GAB2: variants seen among roughly 807,000 people sequenced by gnomAD.
GAB2 encodes the protein GRB2 associated binding protein 2.
In GAB2, 26 loss-of-function variants were observed where a neutral mutation model predicts 65.5. The observed-to-expected ratio is 0.40, with a 90% CI of 0.29 to 0.55. The LOEUF (loss-of-function observed/expected upper bound fraction) is 0.55, where lower values mean the gene tolerates loss of function less well. Among genes scored for constraint, GAB2 ranks in the 20% least tolerant of loss-of-function variants. The probability of loss-of-function intolerance (pLI) is 0.53; values close to 1 mark genes in which losing one functional copy is unlikely to be tolerated. For synonymous variants in GAB2, 321 were observed against 329.6 expected, an observed-to-expected ratio of 0.97 and a Z score of 0.28; for missense variants, 884 against 875.8, an observed-to-expected ratio of 1.01 and a Z score of -0.12.
At position 78,381,430 on chromosome 11, in the gene GAB2, C is replaced by G. The variant is rs143336054; in HGVS notation, c.75+36216G>C. Among the ~76,000 whole-genome samples, 138 of 152,250 alleles carry G rather than the reference C, an allele frequency of 9.1e-4. 1 individual carries two copies. Among genetic ancestry groups the G allele is most frequent in the African/African-American group, 3.2e-3 (134 of 41,542 alleles). On this transcript the variant is annotated intron_variant, in intron 1 of 9. Transcript: ENST00000361507. Reference sequence around the variant, plus strand: ...AGTCTCAAAAAAGTAGTGAACTAGCCAAGGGCACACAGCTTATTTAACAGC... The same window carrying G: ...AGTCTCAAAAAAGTAGTGAACTAGCGAAGGGCACACAGCTTATTTAACAGC...
intron 1 of GAB2, among the ~76,000 whole-genome samples, chr11:78,410,568 A>G (rs1857114339): frequency 2.0e-5 from 3 of 152,206 alleles, no homozygotes; most frequent in Admixed American, 2.0e-4. Flanking sequence ...TAAAAAAATA[A>G]AGCAGTGGAC....
chr11:78,317,018 G>T (rs1591031870), intron 1 of GAB2, among the ~76,000 whole-genome samples: 2 of 152,200 alleles, frequency 1.3e-5, no homozygotes, highest in East Asian at 3.8e-4. Context: ...ATTAAGCTAA[G>T]TGAAATAAGC....
At chr11:78,376,101 G>A (rs1021192653) in intron 1 of GAB2, among the ~76,000 whole-genome samples, 1 of 152,180 alleles carries the variant, frequency 6.6e-6, no homozygotes, top group African/African-American at 2.4e-5. Flanking sequence ...ATATGTATAC[G>A]AACAGGACCA....
intron 1 of GAB2, among the ~76,000 whole-genome samples, chr11:78,388,553 C>T (rs561875019): frequency 3.3e-5 from 5 of 151,888 alleles, no homozygotes; most frequent in South Asian, 2.1e-4. Flanking sequence ...ATCTCGAACT[C>T]GTGGGCTCAA....
chr11:78,266,369 C>G (rs1865876270), intron 2 of GAB2, among the ~76,000 whole-genome samples: 1 of 152,142 alleles, frequency 6.6e-6, no homozygotes, highest in Admixed American at 6.6e-5. Flanking sequence ...TGTGCTCCAG[C>G]CTTCCAGCCT....
intron 2 of GAB2, among the ~76,000 whole-genome samples, chr11:78,275,945 C>A (rs1171876443): frequency 6.6e-6 from 1 of 151,778 alleles, no homozygotes; most frequent in Non-Finnish European, 1.5e-5. Context: ...GAAACCCTGT[C>A]TCTATTAAAA....
At chr11:78,355,304 T>C (rs947119952) in intron 1 of GAB2, among the ~76,000 whole-genome samples, 2 of 152,186 alleles carry the variant, frequency 1.3e-5, no homozygotes, top group African/African-American at 2.4e-5. Context: ...CAATTTGAGA[T>C]TGGCACGAAT....
At position 78,416,131 on chromosome 11, in the gene GAB2, A is replaced by AAG. The variant is rs199511944; in HGVS notation, c.75+1513_75+1514dup. Among the ~76,000 whole-genome samples the AAG allele has an allele frequency of 5.6e-3, 850 of 152,260 alleles. 9 individuals are homozygous for AAG. Among genetic ancestry groups the AAG allele is most frequent in the African/African-American group, 0.019 (789 of 41,534 alleles). On this transcript the variant is annotated intron_variant, in intron 1 of 9. Transcript: ENST00000361507. ...TTCCTAACGAACTGATACAACCCTG[A>AAG]AGAGGAAAAAAGTTTATTTCTTAAT...
chr11:78,244,168 G>T (rs1865224881), intron 3 of GAB2, among the ~76,000 whole-genome samples: 1 of 152,134 alleles, frequency 6.6e-6, no homozygotes, highest in East Asian at 1.9e-4. Flanking sequence ...AAGATGGGCA[G>T]ATTCCTTGAG....
At chr11:78,357,275 G>A (rs913227355) in intron 1 of GAB2, among the ~76,000 whole-genome samples, 26 of 152,176 alleles carry the variant, frequency 1.7e-4, no homozygotes, top group Non-Finnish European at 3.7e-4. Context: ...TGACAATTGT[G>A]ATGACTGTTT....
intron 3 of GAB2, among the ~76,000 whole-genome samples, chr11:78,236,521 A>G (rs1047380603): frequency 6.6e-6 from 1 of 152,218 alleles, no homozygotes; most frequent in African/African-American, 2.4e-5. Context: ...AAGTGGTAAG[A>G]ACAGGTACTT....
rs115457806 is a variant in GAB2, at chr11:78,248,324, G to T, written c.620+1833C>A. ...GATGCGTCAGCAGGATCACTGGAGT[G>T]GTGGTGGCGGCAATTGTTACTACTA... On this transcript the variant is annotated intron_variant, in intron 3 of 9. Transcript: ENST00000361507. 7.7e-3 allele frequency among the ~76,000 whole-genome samples: 1,177 copies of T among 152,244 alleles called. 14 individuals are homozygous for T. Among genetic ancestry groups the T allele is most frequent in the African/African-American group, 0.027 (1,116 of 41,548 alleles).
rs557974713 is a variant in GAB2, at chr11:78,413,007, T to A, written c.75+4639A>T. Among the ~76,000 whole-genome samples, 4 of 152,328 alleles carry A rather than the reference T, an allele frequency of 2.6e-5. No homozygotes were observed. In the South Asian group the frequency reaches 8.3e-4, roughly 32 times the overall value. ...GTGGGTGACGGGGAGTCAAAGATGA[T>A]GCCCAAGTTTCTCATCTGAGCAAGT... is the stretch of plus-strand genomic sequence containing the variant. On this transcript the variant is annotated intron_variant, in intron 1 of 9. Coordinates refer to ENST00000361507, the MANE Select transcript of GAB2 (RefSeq NM_080491.3).
At chr11:78,237,095 T>G (rs1432395913) in intron 3 of GAB2, among the ~76,000 whole-genome samples, 1 of 152,224 alleles carries the variant, frequency 6.6e-6, no homozygotes, top group Non-Finnish European at 1.5e-5. Flanking sequence ...TCCTATGTTT[T>G]CTGAAAGACT....
At chr11:78,242,156 A>C (rs1419373961) in intron 3 of GAB2, among the ~76,000 whole-genome samples, 1 of 152,246 alleles carries the variant, frequency 6.6e-6, no homozygotes, top group Non-Finnish European at 1.5e-5. Flanking sequence ...AAATACATGG[A>C]AAATTAAACA....
chr11:78,371,424 G>A (rs1055257820), intron 1 of GAB2, among the ~76,000 whole-genome samples: 1 of 152,164 alleles, frequency 6.6e-6, no homozygotes, highest in Non-Finnish European at 1.5e-5. Context: ...GAGCTAAGGT[G>A]GCTAAAAGAG....
intron 3 of GAB2, among the ~76,000 whole-genome samples, chr11:78,236,777 T>C (rs904969519): frequency 0.015 from 2 of 134 alleles, no homozygotes; most frequent in Non-Finnish European, 0.091. Context: ...CTTTGATTGT[T>C]TTTTTTTTGA....
intron 3 of GAB2, among the ~76,000 whole-genome samples, chr11:78,240,471 C>G (rs536012425): frequency 3.2e-4 from 49 of 151,488 alleles, no homozygotes; most frequent in South Asian, 8.3e-4. Flanking sequence ...TTTCCTGGAG[C>G]TGCACTAGCC....
intron 1 of GAB2, among the ~76,000 whole-genome samples, chr11:78,348,828 A>G (rs978298995): frequency 1.3e-5 from 2 of 152,246 alleles, no homozygotes; most frequent in Admixed American, 1.3e-4. Flanking sequence ...CCCAATGTCC[A>G]TCAATAGGTG....
Sources: gnomAD v4.1 joint callset for allele counts (sites outside exome capture counted in the v4.1 genomes callset) on GRCh38, gnomAD v4.1.1 for gene constraint, MANE v1.5 for transcripts, NCBI Gene and HGNC (gene_info 2026-07-23, HGNC 2026-07-21) for gene names.